The following ADGRL3 variants were observed in gnomAD, a reference collection of about 807,000 sequenced individuals.
ADGRL3 encodes adhesion G protein-coupled receptor L3, also known as calcium-independent alpha-latrotoxin receptor 3.
A neutral mutation model predicts 153.5 loss-of-function variants in ADGRL3; 62 were observed. The ratio of observed to expected loss-of-function variants is 0.40; its 90% CI spans 0.33 to 0.50. The LOEUF (loss-of-function observed/expected upper bound fraction) is 0.50, where lower values mean the gene tolerates loss of function less well. ADGRL3 is among the 20% of genes least tolerant of loss of function. ADGRL3 has a pLI of 0.47. For missense variants in ADGRL3, 1,641 were observed against 1,859.4 expected (o/e 0.88, Z 2.16); for synonymous variants, 710 against 672.5 (o/e 1.06, Z -0.86).
At chr4:61,247,131 G>A (rs894938969) in intron 1 of ADGRL3, among the ~76,000 whole-genome samples, 1 of 151,996 alleles carries the variant, frequency 6.6e-6, no homozygotes, top group African/African-American at 2.4e-5. Flanking sequence ...TTCAAACCAT[G>A]ATGAAAAGCA....
At chr4:61,478,918 A>C (rs1247508125) in intron 2 of ADGRL3, among the ~76,000 whole-genome samples, 2 of 152,054 alleles carry the variant, frequency 1.3e-5, no homozygotes, top group Admixed American at 6.6e-5. Flanking sequence ...AAACCTATAG[A>C]GATATACCCT....
chr4:61,445,602 A>T (rs967315024), intron 2 of ADGRL3, among the ~76,000 whole-genome samples: 1 of 152,214 alleles, frequency 6.6e-6, no homozygotes, highest in Non-Finnish European at 1.5e-5. Flanking sequence ...TTATAGTAAT[A>T]CCAAAGTGTG....
At chr4:61,380,022 G>T (rs2096648656) in intron 1 of ADGRL3, among the ~76,000 whole-genome samples, 1 of 151,666 alleles carries the variant, frequency 6.6e-6, no homozygotes. Context: ...TTGTTTTAAA[G>T]GTTAAATGTG....
At chr4:61,486,222 G>A (rs939027200) in intron 2 of ADGRL3, among the ~76,000 whole-genome samples, 1 of 152,100 alleles carries the variant, frequency 6.6e-6, no homozygotes, top group African/African-American at 2.4e-5. Flanking sequence ...GGGATTACAG[G>A]TGTGAGCCAC....
At chr4:61,849,632 T>A (rs17090549) in intron 9 of ADGRL3, among the ~76,000 whole-genome samples, 1 of 152,114 alleles carries the variant, frequency 6.6e-6, no homozygotes, top group African/African-American at 2.4e-5. Context: ...ACATATAAAC[T>A]ATGTGGAGCA....
At chr4:61,307,483 A>G (rs1185261178) in intron 1 of ADGRL3, among the ~76,000 whole-genome samples, 1 of 152,190 alleles carries the variant, frequency 6.6e-6, no homozygotes, top group Non-Finnish European at 1.5e-5. Context: ...AACTTTAAAG[A>G]CTTTGTTTTC....
At chr4:61,573,643 T>G (rs1226644739) in intron 4 of ADGRL3, among the ~76,000 whole-genome samples, 1 of 152,000 alleles carries the variant, frequency 6.6e-6, no homozygotes, top group African/African-American at 2.4e-5. Flanking sequence ...GCCATCAATT[T>G]GTCAACTAGA....
At position 61,370,210 on chromosome 4, in the gene ADGRL3, T is replaced by G. The variant is rs903121515; in HGVS notation, c.-239-12914T>G. ...TGGATTCATTAATTTTTTGAAGGGT[T>G]TTTTGTGTCTCTATTTCCTTCAGTT... On this transcript the variant is annotated intron_variant, in intron 1 of 26. Transcript: ENST00000683033. Among the ~76,000 whole-genome samples, 3 of 151,844 alleles carry G rather than the reference T, an allele frequency of 2.0e-5. No homozygotes were observed. In the East Asian group the frequency reaches 5.8e-4, roughly 29 times the overall value.
intron 18 of ADGRL3, among the ~76,000 whole-genome samples, chr4:61,981,549 A>T (rs2099068466): frequency 6.6e-6 from 1 of 152,178 alleles, no homozygotes; most frequent in African/African-American, 2.4e-5. Context: ...AGAAAAAAAA[A>T]AGAACAGCAC....
At chr4:61,898,099 T>G (rs549611784) in intron 11 of ADGRL3, among the ~76,000 whole-genome samples, 1 of 152,094 alleles carries the variant, frequency 6.6e-6, no homozygotes, top group South Asian at 2.1e-4. Flanking sequence ...CATTTACCTG[T>G]CAAGCGACCC....
intron 1 of ADGRL3, among the ~76,000 whole-genome samples, chr4:61,353,182 A>T (rs538430551): frequency 6.6e-6 from 1 of 152,292 alleles, no homozygotes; most frequent in Admixed American, 6.5e-5. Context: ...TAAATAAATA[A>T]GTCTGTATTT....
At position 61,587,256 on chromosome 4, in the gene ADGRL3, G is replaced by A; in HGVS notation, c.289G>A (p.Val97Met). 1 of 1,608,764 alleles carries A rather than the reference G, an allele frequency of 6.2e-7. No individual in the cohort carries two copies. Among genetic ancestry groups the A allele is most frequent in the Non-Finnish European group, 8.5e-7 (1 of 1,177,360 alleles). Reference protein sequence around the residue: ...AFSRAPIPMAVVRRELSCESY... With the variant: ...AFSRAPIPMAMVRRELSCESY... ...CAGCCGTGCCCCAATTCCAATGGCT[G>A]TGGTCCGCAGAGAGCTATCCTGTGA... The change falls in exon 5 of 27, where the codon GTG becomes ATG. Residue 97 changes from valine to methionine, a missense_variant. Val to Met is a conservative substitution (Grantham distance 21). This residue lies in a region of ADGRL3 where 145 missense variants were observed against 79.1 expected (regional missense o/e 1.83). Coordinates refer to ENST00000683033, the MANE Select transcript of ADGRL3 (RefSeq NM_001387552.1).
At position 62,024,617 on chromosome 4, in the gene ADGRL3, C is replaced by T. The variant is rs189844234; in HGVS notation, c.3396-4238C>T. 4.1e-3 allele frequency among the ~76,000 whole-genome samples: 623 copies of T among 152,092 alleles called. 15 individuals carry two copies. Among genetic ancestry groups the T allele is most frequent in the Non-Finnish European group, 2.4e-3 (166 of 67,978 alleles). ...ATAGAGAAAAATTATTAATATTTTA[C>T]TCAGAACCATTGAATTAAATTCTGA... On this transcript the variant is annotated intron_variant, in intron 21 of 26. Transcript: ENST00000683033.
chr4:61,568,053 T>G (rs1489544589), intron 4 of ADGRL3, among the ~76,000 whole-genome samples: 1 of 152,186 alleles, frequency 6.6e-6, no homozygotes, highest in African/African-American at 2.4e-5. Context: ...TCTTTTCCCT[T>G]ATTGTAGTGC....
chr4:61,834,772 A>G (rs1236602711), intron 9 of ADGRL3, among the ~76,000 whole-genome samples: 3 of 152,182 alleles, frequency 2.0e-5, no homozygotes, highest in African/African-American at 7.2e-5. Context: ...ACTTACATCC[A>G]TAATTTTAGT....
chr4:61,757,812 T>C (rs2096855945), intron 8 of ADGRL3, among the ~76,000 whole-genome samples: 1 of 152,206 alleles, frequency 6.6e-6, no homozygotes, highest in Non-Finnish European at 1.5e-5. Flanking sequence ...GAGATTCTGG[T>C]ATGTTGTGTC....
intron 19 of ADGRL3, among the ~76,000 whole-genome samples, chr4:61,993,257 G>C (rs1319933420): frequency 1.2e-5 from 1 of 86,286 alleles, no homozygotes; most frequent in Admixed American, 1.1e-4. Context: ...TTGTTTTTTT[G>C]TTTTTGTTTC....
rs1031653194 is a variant in ADGRL3, at chr4:61,948,348, A to G, written c.2805+72A>G. ...TCACTAACTGTAAATAGTCCTAACT[A>G]TATGGGCTATCATATTTCAATGTTT... On this transcript the variant is annotated intron_variant, in intron 17 of 26. Transcript: ENST00000683033. 24 of 1,084,966 alleles carry G rather than the reference A, an allele frequency of 2.2e-5. No individual in the cohort carries two copies. The African/African-American group carries it at 3.1e-4, about 14-fold the overall frequency. The allele number at this position is 1,084,966 out of a possible 1,614,324, so 67.2% of individuals were successfully genotyped here. A position where few individuals can be genotyped will look rare whatever the true frequency, so the allele number is the denominator to read the frequency against.
At chr4:61,299,839 T>C (rs2094526274) in intron 1 of ADGRL3, among the ~76,000 whole-genome samples, 1 of 152,172 alleles carries the variant, frequency 6.6e-6, no homozygotes, top group Non-Finnish European at 1.5e-5. Flanking sequence ...TCTGATGCAA[T>C]AGAAATGCTT....
Sources: gnomAD v4.1 joint callset for allele counts (sites outside exome capture counted in the v4.1 genomes callset) on GRCh38, gnomAD v4.1.1 for gene constraint, gnomAD v4.1.1 regional missense constraint, MANE v1.5 for transcripts, NCBI Gene and HGNC (gene_info 2026-07-23, HGNC 2026-07-21) for gene names.